The following EFHB variants were observed in gnomAD, a reference collection of about 807,000 sequenced individuals.
The protein encoded by EFHB is EF-hand domain family member B.
A neutral mutation model predicts 87.2 loss-of-function variants in EFHB; 91 were observed. The observed-to-expected ratio is 1.04, with a 90% CI of 0.88 to 1.24. The LOEUF (loss-of-function observed/expected upper bound fraction) is 1.24, where lower values mean the gene tolerates loss of function less well. EFHB is among the 50% of genes most tolerant of loss of function. The pLI, the probability that EFHB is intolerant of heterozygous loss-of-function variation, is 0.00. For synonymous variants in EFHB, 325 were observed against 333.6 expected (o/e 0.97, Z 0.28); for missense variants, 1,084 against 998.8 (o/e 1.09, Z -1.15).
chr3:19,898,711 C>T, intron 8 of EFHB, 67 bp downstream of exon 8: 1 of 1,476,426 alleles, frequency 6.8e-7, no homozygotes, highest in Non-Finnish European at 9.5e-7. Flanking sequence ...AGCTTAACTG[C>T]ATAACTTTGT....
chr3:19,899,433 G>A lies in EFHB; in HGVS notation c.1501C>T (p.Pro501Ser). Residue 501 changes from proline to serine, a missense_variant and splice_region_variant, in exon 7 of 13, where the codon CCC becomes TCC. Transcript: ENST00000295824. ...FQHKLGRVLD[P>S]IAETMNVPPD... ...ATTTGAAGTTAATCATTAACTTACG[G>A]ATCTAAAACTCTTCCAAGTTTATGT... The A allele has an allele frequency of 3.1e-6, 5 of 1,593,474 alleles. No individual in the cohort carries two copies. The highest frequency in any genetic ancestry group is 4.5e-5 in the East Asian group (2 of 44,016).
At chr3:19,917,045 A>G (rs755837415) in intron 4 of EFHB, among the ~76,000 whole-genome samples, 7 of 152,066 alleles carry the variant, frequency 4.6e-5, no homozygotes, top group Non-Finnish European at 8.8e-5. Context: ...GCCATGTCTA[A>G]CAGTTCATAT....
chr3:19,920,713 G>A (rs1193443983), intron 1 of EFHB, 146 bp from the exon 2 acceptor site: 2 of 586,652 alleles, frequency 3.4e-6, no homozygotes, highest in South Asian at 2.5e-5. Context: ...AATAGTAAAT[G>A]TAAAGCAATC....
rs1296542427 is a variant in EFHB at position 19,884,985 on chromosome 3, G to A, written c.1934-370C>T. Among the ~76,000 whole-genome samples, 3 of 151,810 alleles carry A rather than the reference G, an allele frequency of 2.0e-5. No individual in the cohort carries two copies. In the South Asian group the frequency reaches 6.2e-4, roughly 32 times the overall value. On this transcript the variant is annotated intron_variant, in intron 10 of 12. Coordinates refer to ENST00000295824, the MANE Select transcript of EFHB (RefSeq NM_144715.4). ...GCCTGTAATCCCAGCACTTTGGGAGGCTGAGGTGGACAGATCACCTGAGGT... is the reference window on the plus strand; with the variant it reads ...GCCTGTAATCCCAGCACTTTGGGAGACTGAGGTGGACAGATCACCTGAGGT...
chr3:19,904,394 G>A (rs1169869194), intron 6 of EFHB, among the ~76,000 whole-genome samples: 1 of 152,080 alleles, frequency 6.6e-6, no homozygotes, highest in African/African-American at 2.4e-5. Flanking sequence ...CCTAGAGATG[G>A]TGTCTTGCTA....
At chr3:19,913,205 C>G (rs1457031320) in intron 5 of EFHB, among the ~76,000 whole-genome samples, 1 of 152,014 alleles carries the variant, frequency 6.6e-6, no homozygotes, top group Non-Finnish European at 1.5e-5. Context: ...GCTAGAGCAA[C>G]CAGACAAGAG....
intron 1 of EFHB, chr3:19,941,172 C>A: frequency 5.2e-6 from 2 of 382,490 alleles, no homozygotes; most frequent in Non-Finnish European, 9.8e-6. Context: ...AACCACCATC[C>A]AGGAAAATAT....
At chr3:19,883,010 T>C (rs888887840) in intron 11 of EFHB, among the ~76,000 whole-genome samples, 1 of 152,206 alleles carries the variant, frequency 6.6e-6, no homozygotes, top group Non-Finnish European at 1.5e-5. Flanking sequence ...CTTTTTCTTT[T>C]TCTTTTTTGA....
chr3:19,941,576 G>C (rs1371974738), intron 1 of EFHB: 3 of 153,028 alleles, frequency 2.0e-5, no homozygotes, highest in Non-Finnish European at 4.4e-5. Flanking sequence ...CCACTTCCAG[G>C]TCAAGCGCAA....
At chr3:19,943,925 C>T (rs1368937388) in intron 1 of EFHB, among the ~76,000 whole-genome samples, 1 of 152,166 alleles carries the variant, frequency 6.6e-6, no homozygotes, top group African/African-American at 2.4e-5. Context: ...TCAAACAGTG[C>T]TGTTATGAAG....
chr3:19,917,541 C>G (rs1695275538), intron 4 of EFHB, among the ~76,000 whole-genome samples: 1 of 152,008 alleles, frequency 6.6e-6, no homozygotes, highest in Admixed American at 6.6e-5. Flanking sequence ...TTTGAGATCT[C>G]CTATGGTAAG....
At chr3:19,939,399 T>TTTTTTTG in intron 1 of EFHB, among the ~76,000 whole-genome samples, 1 of 108,502 alleles carries the variant, frequency 9.2e-6, no homozygotes, top group African/African-American at 3.2e-5. Context: ...TTTTTTTTTT[T>TTTTTTTG]TGGGATGGAG....
At chr3:19,900,885 T>C (rs975444147) in intron 6 of EFHB, among the ~76,000 whole-genome samples, 9 of 148,466 alleles carry the variant, frequency 6.1e-5, no homozygotes, top group Admixed American at 4.0e-4. Flanking sequence ...GCCAAGATCA[T>C]GCCACGGCAC....
chr3:19,893,635 G>C (rs2125125662), intron 9 of EFHB, among the ~76,000 whole-genome samples: 1 of 152,310 alleles, frequency 6.6e-6, no homozygotes, highest in South Asian at 2.1e-4. Context: ...CTGCCAGGCA[G>C]TTCTGACCAC....
chr3:19,932,536 C>G (rs1695863060), intron 1 of EFHB, among the ~76,000 whole-genome samples: 1 of 152,172 alleles, frequency 6.6e-6, no homozygotes, highest in Non-Finnish European at 1.5e-5. Context: ...TAACCTCATT[C>G]TTTCTTCAGA....
chr3:19,904,930 T>A (rs1395130198), intron 6 of EFHB, among the ~76,000 whole-genome samples: 3 of 152,204 alleles, frequency 2.0e-5, no homozygotes, highest in African/African-American at 7.2e-5. Context: ...CCAAAGTTTA[T>A]GTGTTGGCTC....
intron 5 of EFHB, among the ~76,000 whole-genome samples, chr3:19,911,239 T>C (rs1356125953): frequency 2.6e-5 from 4 of 152,040 alleles, no homozygotes; most frequent in African/African-American, 9.7e-5. Flanking sequence ...ATCAGGTAAA[T>C]TTAAGAAAGA....
In EFHB at chr3:19,888,537, C is replaced by A; in HGVS notation, c.1840G>T (p.Asp614Tyr). Residue 614 changes from aspartate to tyrosine, a missense_variant, in exon 10 of 13, where the codon GAT becomes TAT. Transcript: ENST00000295824. The part of the protein sequence containing the change: ...QLFDYCDVDN[D>Y]GFINYLEFAN... ...AATTCCAGATAGTTAATGAAGCCAT[C>A]ATTATCCACATCACAGTAGTCAAAT... The A allele has an allele frequency of 6.3e-7, 1 of 1,589,926 alleles. No homozygotes were observed. The highest frequency in any genetic ancestry group is 8.6e-7 in the Non-Finnish European group (1 of 1,166,740).
At chr3:19,907,952 G>A (rs1694893851) in intron 5 of EFHB, among the ~76,000 whole-genome samples, 1 of 152,242 alleles carries the variant, frequency 6.6e-6, no homozygotes, top group Admixed American at 6.5e-5. Context: ...TCATACTCTG[G>A]GTCTAAGGGC....
Sources: gnomAD v4.1 joint callset for allele counts (sites outside exome capture counted in the v4.1 genomes callset) on GRCh38, gnomAD v4.1.1 for gene constraint, MANE v1.5 for transcripts, NCBI Gene and HGNC (gene_info 2026-07-23, HGNC 2026-07-21) for gene names.